Variants in MAGI1 observed in about 807,000 individuals in gnomAD.
MAGI1 encodes membrane associated guanylate kinase, WW and PDZ domain containing 1, also known as membrane-associated guanylate kinase, WW and PDZ domain-containing protein 1.
Under a neutral mutation model 139.9 loss-of-function variants are expected in MAGI1, and 58 were observed. That is an observed-to-expected ratio of 0.41 (90% CI 0.34 to 0.52). MAGI1 has a LOEUF of 0.52. MAGI1 is among the 20% of genes least tolerant of loss of function. The probability of loss-of-function intolerance (pLI) is 0.12; values close to 1 mark genes in which losing one functional copy is unlikely to be tolerated. For synonymous variants in MAGI1, 812 were observed against 737.9 expected (o/e 1.10, Z -1.63); for missense variants, 1,874 against 1,901.6 (o/e 0.99, Z 0.27).
At chr3:65,574,328 T>C (rs775868654) in intron 2 of MAGI1, among the ~76,000 whole-genome samples, 1 of 150,476 alleles carries the variant, frequency 6.6e-6, no homozygotes, top group Non-Finnish European at 1.5e-5. Context: ...ATAAGTACAG[T>C]ACCCAATAGA....
intron 5 of MAGI1, among the ~76,000 whole-genome samples, chr3:65,457,620 T>A (rs1949489753): frequency 6.6e-6 from 1 of 152,184 alleles, no homozygotes; most frequent in African/African-American, 2.4e-5. Context: ...TAACCAAGTA[T>A]TCTAGTATAT....
chr3:65,611,963 C>T (rs771454900), intron 2 of MAGI1, among the ~76,000 whole-genome samples: 1 of 151,880 alleles, frequency 6.6e-6, no homozygotes. Flanking sequence ...ATAATGAAAA[C>T]ACTTAGCATA....
chr3:65,955,234 G>A (rs550568887), intron 1 of MAGI1, among the ~76,000 whole-genome samples: 2 of 152,314 alleles, frequency 1.3e-5, no homozygotes, highest in South Asian at 4.1e-4. Flanking sequence ...GGCCAGGTGT[G>A]GTGGCTGACG....
At chr3:65,477,678 C>T in intron 4 of MAGI1, among the ~76,000 whole-genome samples, 1 of 148,354 alleles carries the variant, frequency 6.7e-6, no homozygotes, top group Non-Finnish European at 1.5e-5. Context: ...TGCACTAACC[C>T]AAGGAACACG....
At chr3:65,879,793 T>C (rs190476872) in intron 1 of MAGI1, among the ~76,000 whole-genome samples, 121 of 152,268 alleles carry the variant, frequency 7.9e-4, no homozygotes, top group African/African-American at 2.7e-3. Flanking sequence ...AAACCAACCT[T>C]AGAAAGAATC....
At chr3:65,947,050 T>A (rs1279659092) in intron 1 of MAGI1, among the ~76,000 whole-genome samples, 1 of 152,212 alleles carries the variant, frequency 6.6e-6, no homozygotes, top group Non-Finnish European at 1.5e-5. Context: ...TTCTTTTCTA[T>A]CTTGTGTTAT....
Position 65,466,206 on chromosome 3 carries a change from GGTAATTCTAACA to G in MAGI1, c.959+4065_959+4076del, listed in dbSNP as rs1427490077. Reference sequence around the variant, plus strand: ...ATGATGGCTGCGTTAAAATCTGTTAGGTAATTCTAACAGTGCTGTTATCGCTGTGTTAGTATC... The same window carrying G: ...ATGATGGCTGCGTTAAAATCTGTTAGGTGCTGTTATCGCTGTGTTAGTATC... On this transcript the variant is annotated intron_variant, in intron 5 of 22. Coordinates refer to ENST00000402939, the MANE Select transcript of MAGI1 (RefSeq NM_001033057.2). 7.9e-5 allele frequency among the ~76,000 whole-genome samples: 12 copies of G among 152,080 alleles called. 1 individual carries two copies. In the South Asian group the frequency reaches 2.5e-3, roughly 32 times the overall value.
chr3:65,417,247 A>T (rs1946291704), intron 12 of MAGI1, among the ~76,000 whole-genome samples: 1 of 152,156 alleles, frequency 6.6e-6, no homozygotes, highest in Non-Finnish European at 1.5e-5. Context: ...TGATGGGATG[A>T]TCTGCAGCAA....
At chr3:65,888,710 C>T (rs2060625791) in intron 1 of MAGI1, among the ~76,000 whole-genome samples, 1 of 151,968 alleles carries the variant, frequency 6.6e-6, no homozygotes, top group South Asian at 2.1e-4. Context: ...GTTTAAAGAA[C>T]TAAAAGCTTT....
chr3:65,529,933 T>G (rs1385245835), intron 2 of MAGI1, among the ~76,000 whole-genome samples: 5 of 152,196 alleles, frequency 3.3e-5, no homozygotes, highest in African/African-American at 1.2e-4. Flanking sequence ...CATCATTAGC[T>G]GATCTTGACC....
At position 65,356,818 on chromosome 3, in the gene MAGI1, C is replaced by T. The variant is rs558561010; in HGVS notation, c.3949G>A (p.Gly1317Ser). The change falls in exon 23 of 23, where the codon GGC becomes AGC. Residue 1317 changes from glycine to serine, a missense_variant. Physicochemically the swap from Gly to Ser is moderately conservative, Grantham distance 56 (BLOSUM62 0). Coordinates refer to ENST00000402939, the MANE Select transcript of MAGI1 (RefSeq NM_001033057.2). Reference protein sequence around the residue: ...AQAERAAAANGPKRRSPEKRR... With the variant: ...AQAERAAAANSPKRRSPEKRR... ...TTCTCTGGGGACCGCCTCTTGGGGC[C>T]GTTGGCGGCTGCCGCGCGCTCGGCC... 4 of 1,611,918 alleles carry T rather than the reference C, an allele frequency of 2.5e-6. No individual in the cohort carries two copies. In the East Asian group the frequency reaches 6.7e-5, roughly 27 times the overall value.
chr3:65,780,116 G>C (rs1049809288), intron 1 of MAGI1, among the ~76,000 whole-genome samples: 8 of 152,022 alleles, frequency 5.3e-5, no homozygotes, highest in Non-Finnish European at 1.0e-4. Flanking sequence ...TGGACATTGT[G>C]GGCTCAGGTG....
rs2084718306 is a variant in MAGI1, at chr3:65,637,618, A to C, written c.314-15530T>G. 2.7e-5 allele frequency among the ~76,000 whole-genome samples: 4 copies of C among 148,940 alleles called. No individual in the cohort carries two copies. In the Admixed American group the frequency reaches 2.7e-4, roughly 10 times the overall value. ...AAAGAAAGAAAGAAAGAAAGAAAGA[A>C]AATTGCAAAAGGGCTTATATTGGTG... On this transcript the variant is annotated intron_variant, in intron 1 of 22. Coordinates refer to ENST00000402939, the MANE Select transcript of MAGI1 (RefSeq NM_001033057.2).
At chr3:65,505,195 A>C (rs2077233083) in intron 2 of MAGI1, among the ~76,000 whole-genome samples, 1 of 152,144 alleles carries the variant, frequency 6.6e-6, no homozygotes, top group Non-Finnish European at 1.5e-5. Flanking sequence ...AATTATAGCA[A>C]TTGTTTGTGT....
chr3:65,419,221 T>TACACACACACACACACAC (rs71102854), intron 12 of MAGI1, among the ~76,000 whole-genome samples: 203 of 86,266 alleles, frequency 2.4e-3, no homozygotes, highest in East Asian at 0.011. Flanking sequence ...AACACATTCA[T>TACACACACACACACACAC]ACACACACAC....
chr3:65,664,715 T>A (rs2086402028), intron 1 of MAGI1, among the ~76,000 whole-genome samples: 1 of 152,192 alleles, frequency 6.6e-6, no homozygotes, highest in South Asian at 2.1e-4. Flanking sequence ...TGAAAAATTG[T>A]AGTTGCCCAA....
intron 12 of MAGI1, among the ~76,000 whole-genome samples, chr3:65,404,981 C>T (rs993703096): frequency 6.6e-6 from 1 of 152,162 alleles, no homozygotes; most frequent in African/African-American, 2.4e-5. Context: ...AGGCATACGG[C>T]ACCTGTCTTA....
In MAGI1 at chr3:65,389,551, G is replaced by A. The variant is rs149363038; in HGVS notation, c.2416+1591C>T. Among the ~76,000 whole-genome samples, 11 of 152,268 alleles carry A rather than the reference G, an allele frequency of 7.2e-5. No homozygotes were observed. In the East Asian group the frequency reaches 1.7e-3, roughly 24 times the overall value. On this transcript the variant is annotated intron_variant, in intron 14 of 22. Transcript: ENST00000402939. ...GCCACAAGCTCAGAGAGAAATGCGC[G>A]GGGAATGTGAAAACGCTCCTCTTTG...
intron 1 of MAGI1, among the ~76,000 whole-genome samples, chr3:65,660,073 G>C (rs17073302): frequency 0.018 from 2,687 of 152,152 alleles, 81 homozygotes; most frequent in African/African-American, 0.061. Context: ...ACATGTTGTG[G>C]GGCAAATACA....
Sources: allele counts gnomAD v4.1 joint callset (sites outside exome capture counted in the v4.1 genomes callset), GRCh38; gene constraint gnomAD v4.1.1; transcripts MANE v1.5; gene names NCBI Gene and HGNC (gene_info 2026-07-23, HGNC 2026-07-21).